The following GAS7 variants were observed in gnomAD, a reference collection of about 807,000 sequenced individuals.
The protein encoded by GAS7 is growth arrest-specific protein 7.
Under a neutral mutation model 71.1 loss-of-function variants are expected in GAS7, and 28 were observed. The observed-to-expected ratio is 0.39, with a 90% CI of 0.29 to 0.54. The LOEUF (loss-of-function observed/expected upper bound fraction) is 0.54, where lower values mean the gene tolerates loss of function less well. Among genes scored for constraint, GAS7 ranks in the 20% least tolerant of loss-of-function variants. GAS7 has a pLI of 0.62. For missense variants in GAS7, 436 were observed against 627.8 expected (o/e 0.69, Z 3.27); for synonymous variants, 258 against 245.8 (o/e 1.05, Z -0.46).
At chr17:10,080,382 T>C (rs2073446078) in intron 1 of GAS7, among the ~76,000 whole-genome samples, 1 of 152,112 alleles carries the variant, frequency 6.6e-6, no homozygotes, top group Non-Finnish European at 1.5e-5. Context: ...ATCCACCCCT[T>C]ATTTGGCATA....
chr17:10,036,742 G>T, intron 1 of GAS7: 1 of 1,227,118 alleles, frequency 8.1e-7, no homozygotes, highest in Non-Finnish European at 1.0e-6. Context: ...CAGATGCAAT[G>T]TTTCTGGAGG....
At position 9,914,108 on chromosome 17, in the gene GAS7, G is replaced by A. The variant is rs911221199; in HGVS notation, c.*3120C>T. The A allele has an allele frequency of 1.8e-5, 4 of 227,634 alleles. No homozygotes were observed. The highest frequency in any genetic ancestry group is 2.6e-5 in the Non-Finnish European group (3 of 114,680). The allele number at this position is 227,634 out of a possible 1,614,324, so 14.1% of individuals were successfully genotyped here. A position where few individuals can be genotyped will look rare whatever the true frequency, so the allele number is the denominator to read the frequency against. Reference sequence around the variant, plus strand: ...CCTAACCTTGATTTCAACCAGAAACGGGCCCCTGTTCATACGGATAGGGGT... The same window carrying A: ...CCTAACCTTGATTTCAACCAGAAACAGGCCCCTGTTCATACGGATAGGGGT... On this transcript the variant is annotated 3_prime_UTR_variant, in exon 14 of 14. Coordinates refer to ENST00000432992, the MANE Select transcript of GAS7 (RefSeq NM_201433.2).
At chr17:10,073,521 C>T (rs938400376) in intron 1 of GAS7, among the ~76,000 whole-genome samples, 2 of 152,182 alleles carry the variant, frequency 1.3e-5, no homozygotes, top group Non-Finnish European at 2.9e-5. Flanking sequence ...TTATATAAGA[C>T]GTGGTCCATA....
intron 1 of GAS7, among the ~76,000 whole-genome samples, chr17:10,105,509 G>A (rs1302814835): frequency 6.6e-6 from 1 of 152,184 alleles, no homozygotes; most frequent in South Asian, 2.1e-4. Context: ...GGACTGTGCT[G>A]TTCTAGCATT....
At chr17:10,131,560 T>G (rs905904191) in intron 1 of GAS7, among the ~76,000 whole-genome samples, 2 of 152,198 alleles carry the variant, frequency 1.3e-5, no homozygotes, top group Admixed American at 6.5e-5. Context: ...AGGCGGAGGT[T>G]GCAGTGAGCC....
intron 4 of GAS7, among the ~76,000 whole-genome samples, chr17:9,964,176 A>G (rs1209024908): frequency 6.6e-6 from 1 of 152,088 alleles, no homozygotes; most frequent in Non-Finnish European, 1.5e-5. Context: ...AGGACACCCC[A>G]CCTGGGCATC....
intron 1 of GAS7, among the ~76,000 whole-genome samples, chr17:10,110,271 T>C (rs1597797743): frequency 6.6e-6 from 1 of 152,054 alleles, no homozygotes; most frequent in Non-Finnish European, 1.5e-5. Flanking sequence ...TGGAGGTTAT[T>C]ATGTTAAGTT....
chr17:10,006,540 G>A (rs1037682359), intron 2 of GAS7, among the ~76,000 whole-genome samples: 12 of 151,450 alleles, frequency 7.9e-5, no homozygotes, highest in Admixed American at 7.3e-4. Flanking sequence ...CATGTTAGCC[G>A]GCATGGTCTC....
chr17:10,001,224 A>C (rs770040117), intron 2 of GAS7, among the ~76,000 whole-genome samples: 1 of 152,224 alleles, frequency 6.6e-6, no homozygotes, highest in Non-Finnish European at 1.5e-5. Flanking sequence ...GAAACAGAGG[A>C]GCAAGAGGGT....
At chr17:10,005,328 T>TACACACAC (rs564932578) in intron 2 of GAS7, among the ~76,000 whole-genome samples, 2 of 149,178 alleles carry the variant, frequency 1.3e-5, no homozygotes, top group East Asian at 2.0e-4. Flanking sequence ...CATATATATA[T>TACACACAC]ACACACACAC....
chr17:10,041,173 AAAAG>A (rs2072860196), intron 1 of GAS7, among the ~76,000 whole-genome samples: 1 of 151,240 alleles, frequency 6.6e-6, no homozygotes, highest in South Asian at 2.1e-4. Context: ...AAAAAAAAAA[AAAAG>A]AAGAAGGTAA....
At chr17:10,181,274 C>T (rs1174823433) in intron 1 of GAS7, among the ~76,000 whole-genome samples, 4 of 151,514 alleles carry the variant, frequency 2.6e-5, no homozygotes, top group African/African-American at 4.9e-5. Flanking sequence ...GCAGGGGAAT[C>T]GCTTGAACCC....
At chr17:10,161,071 AGGGTCGC>A (rs2074252323) in intron 1 of GAS7, among the ~76,000 whole-genome samples, 1 of 152,106 alleles carries the variant, frequency 6.6e-6, no homozygotes, top group South Asian at 2.1e-4. Flanking sequence ...CACTTGAACA[AGGGTCGC>A]GGCTCCGTTT....
intron 1 of GAS7, among the ~76,000 whole-genome samples, chr17:10,191,148 C>G (rs1429737783): frequency 1.4e-5 from 2 of 147,832 alleles, no homozygotes; most frequent in East Asian, 4.0e-4. Flanking sequence ...GTACTCCAGC[C>G]TGGGCAACGA....
intron 2 of GAS7, among the ~76,000 whole-genome samples, chr17:9,989,107 C>T (rs1042709952): frequency 2.0e-5 from 3 of 152,072 alleles, no homozygotes; most frequent in Non-Finnish European, 4.4e-5. Context: ...TCTCAGCCTC[C>T]CAAAGTGCTG....
chr17:10,042,066 A>G (rs2072879038), intron 1 of GAS7, among the ~76,000 whole-genome samples: 1 of 152,114 alleles, frequency 6.6e-6, no homozygotes, highest in Non-Finnish European at 1.5e-5. Context: ...GGAAGCCAAG[A>G]CGGGCAGATC....
chr17:10,124,714 T>TG (rs1171882158), intron 1 of GAS7, among the ~76,000 whole-genome samples: 9 of 152,232 alleles, frequency 5.9e-5, no homozygotes, highest in African/African-American at 2.2e-4. Flanking sequence ...AGGTCGGAGT[T>TG]GGAGACCAGC....
intron 1 of GAS7, among the ~76,000 whole-genome samples, chr17:10,023,397 A>G (rs1329681093): frequency 1.3e-5 from 2 of 152,254 alleles, no homozygotes; most frequent in African/African-American, 4.8e-5. Flanking sequence ...ATGGATGCTC[A>G]CAGCAATATC....
chr17:10,174,554 C>T (rs1485889042), intron 1 of GAS7, among the ~76,000 whole-genome samples: 4 of 152,010 alleles, frequency 2.6e-5, no homozygotes, highest in South Asian at 2.1e-4. Flanking sequence ...TAGCCGGGCG[C>T]AGTGGCGGGC....
Sources: gnomAD v4.1 joint callset for allele counts (sites outside exome capture counted in the v4.1 genomes callset) on GRCh38, gnomAD v4.1.1 for gene constraint, MANE v1.5 for transcripts, NCBI Gene and HGNC (gene_info 2026-07-23, HGNC 2026-07-21) for gene names.